The following FAT1 variants were observed in gnomAD, a reference collection of about 807,000 sequenced individuals.
The protein encoded by FAT1 is protocadherin Fat 1.
FAT1 carries 171 observed loss-of-function variants against 329.8 expected under a neutral mutation model. The observed-to-expected ratio is 0.52, with a 90% confidence interval of 0.46 to 0.59. The LOEUF is 0.59. Among genes scored for constraint, FAT1 ranks in the 20% least tolerant of loss-of-function variants. The pLI is 0.00. For synonymous variants in FAT1, 2,233 were observed against 2,228.6 expected (o/e 1.00, Z -0.06); for missense variants, 5,672 against 5,774.4 (o/e 0.98, Z 0.57).
Position 186,662,845 on chromosome 4 carries a change from T to G in FAT1, c.3580+454A>C, listed in dbSNP as rs1742244321. On this transcript the variant is annotated intron_variant, in intron 3 of 26. Transcript: ENST00000441802. Reference sequence around the variant, plus strand: ...TTAAAAAGCACATTTAAGCTAATTTTTTTTTTTTTGAGATGGAGTCTCACT... The same window carrying G: ...TTAAAAAGCACATTTAAGCTAATTTGTTTTTTTTTGAGATGGAGTCTCACT... Among the ~76,000 whole-genome samples the G allele has an allele frequency of 2.6e-5, 4 of 152,196 alleles. No homozygotes were observed. The South Asian group carries it at 8.3e-4, about 31-fold the overall frequency.
chr4:186,708,783 A>C lies in FAT1; in HGVS notation c.1045T>G (p.Ser349Ala). Residue 349 changes from serine to alanine, a missense_variant, in exon 2 of 27, where the codon TCT becomes GCT. By Grantham distance (99) the Ser-to-Ala change is moderately conservative (BLOSUM62 1). Coordinates refer to ENST00000441802, the MANE Select transcript of FAT1 (RefSeq NM_005245.4). Reference sequence around the variant, plus strand: ...GAAGTCACGTGAATGACTTTAACAGAAGAGAACTGGGGCGGAGTTCCTTTA... The same window carrying C: ...GAAGTCACGTGAATGACTTTAACAGCAGAGAACTGGGGCGGAGTTCCTTTA... ...KDKGTPPQFSSVKVIHVTSPQ... is the reference protein window; with the variant it reads ...KDKGTPPQFSAVKVIHVTSPQ... 1 of 1,614,012 alleles carries C rather than the reference A, an allele frequency of 6.2e-7. No homozygotes were observed. Among genetic ancestry groups the C allele is most frequent in the Non-Finnish European group, 8.5e-7 (1 of 1,179,884 alleles).
chr4:186,597,363 T>C, intron 24 of FAT1, 192 bp from the exon 25 acceptor site: 1 of 623,602 alleles, frequency 1.6e-6, no homozygotes, highest in Non-Finnish European at 2.7e-6. Context: ...ACCAATCATG[T>C]GATCGCATGC....
chr4:186,603,244 G>T lies in FAT1; in HGVS notation c.11282C>A (p.Thr3761Lys). 1 of 1,613,834 alleles carries T rather than the reference G, an allele frequency of 6.2e-7. No homozygotes were observed. The highest frequency in any genetic ancestry group is 8.5e-7 in the Non-Finnish European group (1 of 1,179,830). ...KVSVDESVMSTHSTARLSFVT... is the reference protein window; with the variant it reads ...KVSVDESVMSKHSTARLSFVT... Reference sequence around the variant, plus strand: ...AAAACTCAGTCTGGCTGTGCTGTGTGTTGACATCACACTTTCATCCACAGA... The same window carrying T: ...AAAACTCAGTCTGGCTGTGCTGTGTTTTGACATCACACTTTCATCCACAGA... Residue 3761 changes from threonine to lysine, a missense_variant, in exon 19 of 27, where the codon ACA becomes AAA. Around this residue, in one of 2 missense-constraint regions of FAT1, gnomAD observed 1,706 missense variants for 1,859.1 expected, o/e 0.92. Transcript: ENST00000441802.
intron 1 of FAT1, among the ~76,000 whole-genome samples, chr4:186,711,468 T>G (rs1221648941): frequency 6.6e-6 from 1 of 152,188 alleles, no homozygotes; most frequent in African/African-American, 2.4e-5. Context: ...CTCAGGGAAA[T>G]TTGAATATTA....
rs2126696644 is a variant in FAT1, at chr4:186,708,454, G to A, written c.1374C>T (p.Ser458=). 6.2e-7 allele frequency: 1 copy of A among 1,614,014 alleles called. No homozygotes were observed. Reference sequence around the variant, plus strand: ...CTGTCTGGGTAAATTCAGGGGGATTGCTATTTGCACCTAAGACTTTCACCA... The same window carrying A: ...CTGTCTGGGTAAATTCAGGGGGATTACTATTTGCACCTAAGACTTTCACCA... The part of the protein sequence containing the change: ...KVLVKVLGAN[S]NPPEFTQTAY... Residue 458 remains serine (S), a synonymous_variant, in exon 2 of 27, where the codon AGC becomes AGT. Coordinates refer to ENST00000441802, the MANE Select transcript of FAT1 (RefSeq NM_005245.4).
intron 9 of FAT1, among the ~76,000 whole-genome samples, chr4:186,627,037 G>T (rs1178753112): frequency 2.4e-5 from 2 of 82,794 alleles, no homozygotes; most frequent in African/African-American, 1.3e-4. Flanking sequence ...AATGAATGAG[G>T]GACCAACATG....
intron 1 of FAT1, among the ~76,000 whole-genome samples, chr4:186,711,495 T>C (rs1317778591): frequency 6.6e-6 from 1 of 152,198 alleles, no homozygotes; most frequent in Non-Finnish European, 1.5e-5. Flanking sequence ...AATCTTGTAA[T>C]TTTATCAAAA....
At chr4:186,614,420 G>T (rs1370675486) in intron 11 of FAT1, 76 bp from the exon 12 acceptor site, 50 of 993,154 alleles carry the variant, frequency 5.0e-5, no homozygotes, top group Non-Finnish European at 6.7e-5. Context: ...TAATGGAAAA[G>T]AAATCATTCA....
Position 186,661,908 on chromosome 4 carries a change from C to A in FAT1, c.3580+1391G>T, listed in dbSNP as rs140693589. On this transcript the variant is annotated intron_variant, in intron 3 of 26. Coordinates refer to ENST00000441802, the MANE Select transcript of FAT1 (RefSeq NM_005245.4). ...AGTGAACACTCTTGGGAACTGAGCCCTTAACCTGCAGAATCTGAGGCTGTC... is the reference window on the plus strand; with the variant it reads ...AGTGAACACTCTTGGGAACTGAGCCATTAACCTGCAGAATCTGAGGCTGTC... 7.2e-5 allele frequency among the ~76,000 whole-genome samples: 11 copies of A among 152,204 alleles called. No homozygotes were observed. The East Asian group carries it at 2.1e-3, about 29-fold the overall frequency.
chr4:186,667,497 C>T (rs182814363), intron 2 of FAT1, among the ~76,000 whole-genome samples: 55 of 152,142 alleles, frequency 3.6e-4, no homozygotes, highest in South Asian at 2.1e-4. Flanking sequence ...TAATGCCTAT[C>T]GTGATTGCTG....
chr4:186,673,508 T>C (rs921118496), intron 2 of FAT1, among the ~76,000 whole-genome samples: 3 of 152,348 alleles, frequency 2.0e-5, no homozygotes, highest in South Asian at 2.1e-4. Flanking sequence ...GGAAATTCTA[T>C]AATCACATTG....
Position 186,589,061 on chromosome 4 carries a change from C to A in FAT1, c.13298G>T (p.Ser4433Ile). 6.2e-7 allele frequency: 1 copy of A among 1,613,904 alleles called. No individual in the cohort carries two copies. Among genetic ancestry groups the A allele is most frequent in the Non-Finnish European group, 8.5e-7 (1 of 1,179,890 alleles). ...GTCTTCTGGGGGTGGAGGAAAATCA[C>A]TTTCGATGTCGTAGCCTCCAGGGTA... Reference protein sequence around the residue: ...DYYPGGYDIESDFPPPPEDFP... With the variant: ...DYYPGGYDIEIDFPPPPEDFP... The change falls in exon 27 of 27, where the codon AGT (serine) becomes ATT (isoleucine). Residue 4433 changes from serine to isoleucine, a missense_variant. Coordinates refer to ENST00000441802, the MANE Select transcript of FAT1 (RefSeq NM_005245.4).
intron 2 of FAT1, among the ~76,000 whole-genome samples, chr4:186,667,119 G>C (rs1254513314): frequency 6.6e-6 from 1 of 152,190 alleles, no homozygotes; most frequent in Non-Finnish European, 1.5e-5. Flanking sequence ...TTATGAAATG[G>C]AAGTATATCA....
chr4:186,687,950 G>A (rs1169467789), intron 2 of FAT1, among the ~76,000 whole-genome samples: 1 of 151,970 alleles, frequency 6.6e-6, no homozygotes, highest in African/African-American at 2.4e-5. Flanking sequence ...GTTCACCAGG[G>A]TTCTAGGTAG....
At chr4:186,614,090 G>T in intron 12 of FAT1, 101 bp downstream of exon 12, 1 of 1,059,566 alleles carries the variant, frequency 9.4e-7, no homozygotes. Flanking sequence ...CATTTGAAAA[G>T]GGCAAAATGT....
In FAT1 at chr4:186,707,831, C is replaced by T. The variant is rs2126691685; in HGVS notation, c.1997G>A (p.Ser666Asn). Residue 666 changes from serine to asparagine, a missense_variant, in exon 2 of 27, where the codon AGT (serine) becomes AAT (asparagine). Ser to Asn is a conservative substitution (Grantham distance 46, BLOSUM62 1). Transcript: ENST00000441802. ...ACACTGCAAGTTTACCAGCTTGTGA[C>T]TGGCAGCCACTGTTATGTTGATATA... ...PLYINITVAASHKLVNLQCEE... is the reference protein window; with the variant it reads ...PLYINITVAANHKLVNLQCEE... 1.2e-6 allele frequency: 2 copies of T among 1,613,752 alleles called. No individual in the cohort carries two copies. The highest frequency in any genetic ancestry group is 1.7e-6 in the Non-Finnish European group (2 of 1,179,896).
rs1004788509 is a variant in FAT1, at chr4:186,707,786, T to C, written c.2042A>G (p.Lys681Arg). ...NLQCEETGVA[K>R]MLAEKLLQAN... is the part of the protein sequence containing the mutation. ...CTGCAGGAGCTTCTCTGCCAGCATT[T>C]TGGCAACACCAGTCTCTTCACACTG... Residue 681 changes from lysine to arginine, a missense_variant, in exon 2 of 27, where the codon AAA becomes AGA. Lys to Arg is a conservative substitution (Grantham distance 26, BLOSUM62 2). Transcript: ENST00000441802. The C allele has an allele frequency of 1.2e-6, 2 of 1,613,770 alleles. No individual in the cohort carries two copies. The highest frequency in any genetic ancestry group is 1.7e-6 in the Non-Finnish European group (2 of 1,179,908).
At chr4:186,673,044 G>A (rs1044252860) in intron 2 of FAT1, among the ~76,000 whole-genome samples, 3 of 152,156 alleles carry the variant, frequency 2.0e-5, no homozygotes, top group Non-Finnish European at 4.4e-5. Context: ...ACAGAAGAAT[G>A]TCAGTGATAC....
intron 2 of FAT1, among the ~76,000 whole-genome samples, chr4:186,687,365 T>C (rs1553998207): frequency 6.6e-6 from 1 of 152,128 alleles, no homozygotes; most frequent in Non-Finnish European, 1.5e-5. Context: ...AAACTGCTGA[T>C]GGGATGTCTA....
Sources: allele counts gnomAD v4.1 joint callset (sites outside exome capture counted in the v4.1 genomes callset), GRCh38; gene constraint gnomAD v4.1.1; regional missense constraint gnomAD v4.1.1; transcripts MANE v1.5; gene names NCBI Gene and HGNC (gene_info 2026-07-23, HGNC 2026-07-21).